Variants in PCDHA4 observed in about 807,000 individuals in gnomAD.
PCDHA4 encodes the protein protocadherin alpha-4.
PCDHA4 carries 49 observed loss-of-function variants against 61.4 expected under a neutral mutation model. The ratio of observed to expected loss-of-function variants is 0.80; its 90% CI spans 0.63 to 1.01. The LOEUF is 1.01. PCDHA4 is among the 50% of genes least tolerant of loss of function. The pLI is 0.00. For synonymous variants in PCDHA4, 590 were observed against 550.3 expected (o/e 1.07, Z -1.01); for missense variants, 1,254 against 1,235.8 (o/e 1.01, Z -0.22).
At chr5:140,849,747 G>C (rs2150448012) in intron 1 of PCDHA4, 5 of 1,598,444 alleles carry the variant, frequency 3.1e-6, no homozygotes, top group Non-Finnish European at 4.3e-6. Context: ...CCGCGAGAGT[G>C]TGTCCGCCTA....
intron 1 of PCDHA4, chr5:140,876,681 T>C: frequency 2.5e-6 from 4 of 1,614,180 alleles, no homozygotes; most frequent in South Asian, 1.1e-5. Flanking sequence ...CCTACAAGAA[T>C]TACTACTCGT....
chr5:140,950,015 T>C (rs2094440217), intron 1 of PCDHA4, among the ~76,000 whole-genome samples: 1 of 151,906 alleles, frequency 6.6e-6, no homozygotes, highest in Admixed American at 6.6e-5. Context: ...TGTACAACCT[T>C]CATAAAATAT....
chr5:140,973,719 C>T (rs1184460895), intron 1 of PCDHA4, among the ~76,000 whole-genome samples: 8 of 152,228 alleles, frequency 5.3e-5, no homozygotes, highest in African/African-American at 1.7e-4. Flanking sequence ...TGAGCCATCA[C>T]ATGGGCATCT....
At chr5:140,965,893 C>G (rs1173111476) in intron 1 of PCDHA4, among the ~76,000 whole-genome samples, 1 of 152,226 alleles carries the variant, frequency 6.6e-6, no homozygotes, top group Non-Finnish European at 1.5e-5. Context: ...AGAATTGAGT[C>G]TTGGATCCCA....
intron 1 of PCDHA4, chr5:140,849,567 C>G: frequency 1.3e-6 from 2 of 1,598,580 alleles, no homozygotes; most frequent in Non-Finnish European, 1.7e-6. Flanking sequence ...GCTCTCGGTT[C>G]CTGTAAAAGA....
chr5:140,999,550 G>A (rs1250301883), intron 3 of PCDHA4, among the ~76,000 whole-genome samples: 2 of 152,120 alleles, frequency 1.3e-5, no homozygotes, highest in African/African-American at 4.8e-5. Context: ...CCAATGAAGA[G>A]GGGGTATTTT....
intron 1 of PCDHA4, chr5:140,828,357 G>A: frequency 6.2e-7 from 1 of 1,614,244 alleles, no homozygotes; most frequent in South Asian, 1.1e-5. Flanking sequence ...GTGAATTCTC[G>A]GATCGACCGC....
Position 140,808,769 on chromosome 5 carries a change from C to A in PCDHA4, c.1582C>A (p.Leu528Ile). ...GCTGCAGCCGCTGGACCACGAGGAG[C>A]TAGAGCTGCTGCAGTTTCAGGTGAC... ...YALQPLDHEE[L>I]ELLQFQVTAR... Residue 528 changes from leucine (L) to isoleucine (I), a missense_variant, in exon 1 of 4, where the codon CTA becomes ATA. Transcript: ENST00000530339. 2 of 1,612,380 alleles carry A rather than the reference C, an allele frequency of 1.2e-6. No individual in the cohort carries two copies. Among genetic ancestry groups the A allele is most frequent in the Non-Finnish European group, 1.7e-6 (2 of 1,179,812 alleles).
chr5:140,870,200 C>A, intron 1 of PCDHA4: 1 of 1,614,174 alleles, frequency 6.2e-7, no homozygotes, highest in South Asian at 1.1e-5. Flanking sequence ...CAGCCCAGCA[C>A]GGTCATTGCC....
chr5:140,921,741 A>AT (rs1554200411), intron 1 of PCDHA4, among the ~76,000 whole-genome samples: 1 of 152,202 alleles, frequency 6.6e-6, no homozygotes, highest in Non-Finnish European at 1.5e-5. Context: ...AATTATAAGC[A>AT]TAACAGGACA....
chr5:140,915,006 C>A (rs958050012), intron 1 of PCDHA4, among the ~76,000 whole-genome samples: 2 of 149,102 alleles, frequency 1.3e-5, no homozygotes, highest in African/African-American at 5.0e-5. Flanking sequence ...AGTGCAGTGG[C>A]CTGATCTTGG....
chr5:140,884,273 C>T (rs1554181411), intron 1 of PCDHA4: 2 of 1,613,468 alleles, frequency 1.2e-6, no homozygotes, highest in Admixed American at 3.3e-5. Context: ...GCTGTTGTCG[C>T]TGGTGGAGAG....
intron 1 of PCDHA4, among the ~76,000 whole-genome samples, chr5:140,918,244 T>C (rs1554198493): frequency 6.6e-6 from 1 of 152,236 alleles, no homozygotes; most frequent in South Asian, 2.1e-4. Flanking sequence ...TGATTTTGTA[T>C]GCTGAAACTT....
Position 141,010,222 on chromosome 5 carries a change from C to T in PCDHA4, c.*285C>T. 6.4e-7 allele frequency: 1 copy of T among 1,551,730 alleles called. No homozygotes were observed. The highest frequency in any genetic ancestry group is 2.4e-5 in the East Asian group (1 of 40,912). ...CCTCCGCCGCAAAGGAGAGGCTTCC[C>T]AGCCCCGCCAGTGAGAGGTTGGACT... On this transcript the variant is annotated 3_prime_UTR_variant, in exon 4 of 4. Transcript: ENST00000530339.
intron 1 of PCDHA4, among the ~76,000 whole-genome samples, chr5:140,956,852 G>T (rs931766503): frequency 3.3e-5 from 5 of 152,060 alleles, no homozygotes; most frequent in African/African-American, 1.2e-4. Context: ...TGGGTTAAAT[G>T]GTTGAATGAA....
At chr5:140,963,060 T>C (rs539314958) in intron 1 of PCDHA4, among the ~76,000 whole-genome samples, 11 of 152,154 alleles carry the variant, frequency 7.2e-5, no homozygotes, top group Non-Finnish European at 1.6e-4. Context: ...GGTTTCTACA[T>C]TGTGAAGGAG....
intron 1 of PCDHA4, chr5:140,835,868 G>A (rs1454077301): frequency 6.2e-7 from 1 of 1,612,002 alleles, no homozygotes; most frequent in African/African-American, 1.3e-5. Flanking sequence ...ACTCGCTGGT[G>A]GAGCTGCGGG....
intron 1 of PCDHA4, chr5:140,816,177 G>A (rs1429127020): frequency 1.3e-5 from 2 of 152,054 alleles, no homozygotes; most frequent in African/African-American, 4.8e-5. Context: ...AATTTCTTAG[G>A]CTTTCTTTAC....
chr5:140,807,543 T>C lies in PCDHA4; in HGVS notation c.356T>C (p.Val119Ala), dbSNP rs1763959735. Residue 119 changes from valine to alanine, a missense_variant, in exon 1 of 4, where the codon GTG becomes GCG. By Grantham distance (64) the Val-to-Ala change is moderately conservative. Coordinates refer to ENST00000530339, the MANE Select transcript of PCDHA4 (RefSeq NM_018907.4). Reference protein sequence around the residue: ...IVDRPLQVFHVDVEVRDINDN... With the variant: ...IVDRPLQVFHADVEVRDINDN... The stretch of plus-strand genomic sequence containing the variant: ...GACAGGCCGCTGCAGGTTTTCCATG[T>C]GGACGTGGAGGTGAGGGACATTAAC... 6.2e-7 allele frequency: 1 copy of C among 1,614,164 alleles called. No homozygotes were observed. The highest frequency in any genetic ancestry group is 1.1e-5 in the South Asian group (1 of 91,078).
Sources: gnomAD v4.1 joint callset for allele counts (sites outside exome capture counted in the v4.1 genomes callset) on GRCh38, gnomAD v4.1.1 for gene constraint, MANE v1.5 for transcripts, NCBI Gene and HGNC (gene_info 2026-07-23, HGNC 2026-07-21) for gene names.